The following TAFA2 variants were observed in gnomAD, a reference collection of about 807,000 sequenced individuals.
TAFA2 encodes TAFA chemokine like family member 2.
TAFA2 carries 7 observed loss-of-function variants against 18.8 expected under a neutral mutation model. The ratio of observed to expected loss-of-function variants is 0.37; its 90% CI spans 0.21 to 0.70. The LOEUF (loss-of-function observed/expected upper bound fraction) is 0.70, where lower values mean the gene tolerates loss of function less well. Among genes scored for constraint, TAFA2 ranks in the 30% least tolerant of loss-of-function variants. TAFA2 has a pLI of 0.53. For missense variants in TAFA2, 122 were observed against 158.1 expected (o/e 0.77, Z 1.23); for synonymous variants, 60 against 54.2 (o/e 1.11, Z -0.47).
chr12:62,027,665 A>G (rs930328418), intron 1 of TAFA2, among the ~76,000 whole-genome samples: 1 of 152,128 alleles, frequency 6.6e-6, no homozygotes, highest in Non-Finnish European at 1.5e-5. Context: ...GCACTTTGCC[A>G]TATGTCAGCC....
At chr12:62,225,287 G>T (rs570366915) in intron 1 of TAFA2, among the ~76,000 whole-genome samples, 1 of 152,102 alleles carries the variant, frequency 6.6e-6, no homozygotes, top group African/African-American at 2.4e-5. Context: ...TTTAGCAAAT[G>T]GTGTTGGGAC....
At chr12:61,832,547 G>C (rs1394648418) in intron 2 of TAFA2, among the ~76,000 whole-genome samples, 1 of 152,010 alleles carries the variant, frequency 6.6e-6, no homozygotes. Context: ...CCAAATTCCT[G>C]ATTGAAATAA....
chr12:61,991,057 A>T (rs867376260), intron 1 of TAFA2, among the ~76,000 whole-genome samples: 1 of 152,206 alleles, frequency 6.6e-6, no homozygotes, highest in Middle Eastern at 3.2e-3. Flanking sequence ...ATAAACTGAG[A>T]GAAGCAATAG....
At chr12:62,246,847 G>T (rs955345529) in intron 1 of TAFA2, among the ~76,000 whole-genome samples, 2 of 151,914 alleles carry the variant, frequency 1.3e-5, no homozygotes, top group African/African-American at 4.8e-5. Context: ...CATTTGCCTG[G>T]CATGTTGTTT....
At chr12:62,034,154 G>A (rs1881537340) in intron 1 of TAFA2, among the ~76,000 whole-genome samples, 1 of 152,114 alleles carries the variant, frequency 6.6e-6, no homozygotes, top group Non-Finnish European at 1.5e-5. Context: ...CATGATAAGC[G>A]GTGATTTGAT....
intron 1 of TAFA2, among the ~76,000 whole-genome samples, chr12:62,226,641 T>C (rs755871902): frequency 1.3e-5 from 2 of 152,206 alleles, no homozygotes; most frequent in Non-Finnish European, 2.9e-5. Flanking sequence ...ACCCTGAATA[T>C]CTAAGAGAAA....
chr12:61,732,040 C>T (rs764283767), intron 4 of TAFA2, among the ~76,000 whole-genome samples: 2 of 151,920 alleles, frequency 1.3e-5, no homozygotes, highest in African/African-American at 2.4e-5. Flanking sequence ...TTAGGCCCTG[C>T]CAAGAGAAGA....
At chr12:61,931,074 G>T (rs1007236842) in intron 1 of TAFA2, among the ~76,000 whole-genome samples, 1 of 152,138 alleles carries the variant, frequency 6.6e-6, no homozygotes, top group Admixed American at 6.6e-5. Flanking sequence ...AAGAAATTGC[G>T]CTGTTCAAGT....
intron 1 of TAFA2, among the ~76,000 whole-genome samples, chr12:62,215,687 T>TTTCTCTTGCTTAAGAGAAACAACTTGC (rs1188392465): frequency 1.3e-5 from 2 of 148,490 alleles, no homozygotes; most frequent in African/African-American, 5.0e-5. Flanking sequence ...GAAGAACTTG[T>TTTCTCTTGCTTAAGAGAAACAACTTGC]TTCTCTTGCT....
chr12:62,147,320 A>G (rs201802734), intron 1 of TAFA2, among the ~76,000 whole-genome samples: 1,927 of 37,386 alleles, frequency 0.052, 96 homozygotes, highest in African/African-American at 0.19. Flanking sequence ...GTGTGTGTGT[A>G]TGTATGTATA....
intron 1 of TAFA2, among the ~76,000 whole-genome samples, chr12:61,961,751 G>C (rs771121115): frequency 6.6e-6 from 1 of 151,912 alleles, no homozygotes; most frequent in Non-Finnish European, 1.5e-5. Flanking sequence ...CATGTGATTG[G>C]TTCTTGTGTT....
Position 61,821,960 on chromosome 12 carries a change from A to C in TAFA2, c.106+45360T>G, listed in dbSNP as rs377204212. ...TTAGCCCCACTTTTTAGATAATTAC[A>C]GTTTAAGTATTGAATTAATTAATTT... is the stretch of plus-strand genomic sequence containing the variant. On this transcript the variant is annotated intron_variant, in intron 2 of 4. Coordinates refer to ENST00000416284, the MANE Select transcript of TAFA2 (RefSeq NM_178539.5). Among the ~76,000 whole-genome samples the C allele has an allele frequency of 2.0e-5, 3 of 152,222 alleles. No individual in the cohort carries two copies. In the East Asian group the frequency reaches 5.8e-4, roughly 29 times the overall value.
chr12:62,135,991 C>A (rs143624332), intron 1 of TAFA2: 1 of 152,022 alleles, frequency 6.6e-6, no homozygotes, highest in Non-Finnish European at 1.5e-5. Context: ...TTATGCCAGA[C>A]GCATCATGAT....
At chr12:61,876,252 T>C (rs1379041531) in intron 1 of TAFA2, among the ~76,000 whole-genome samples, 1 of 152,138 alleles carries the variant, frequency 6.6e-6, no homozygotes, top group Non-Finnish European at 1.5e-5. Context: ...CCTGTTCTCT[T>C]GGGAAATGAG....
chr12:61,988,115 C>G (rs1249489250), intron 1 of TAFA2, among the ~76,000 whole-genome samples: 1 of 152,070 alleles, frequency 6.6e-6, no homozygotes, highest in African/African-American at 2.4e-5. Flanking sequence ...TATCATGGCC[C>G]AATCTGAGCT....
At chr12:62,051,105 A>T (rs748571932) in intron 1 of TAFA2, among the ~76,000 whole-genome samples, 33 of 152,132 alleles carry the variant, frequency 2.2e-4, no homozygotes, top group Admixed American at 7.9e-4. Context: ...AGAGGAAAAA[A>T]ATTCTTTTTT....
At chr12:62,071,670 T>C (rs948391010) in intron 1 of TAFA2, among the ~76,000 whole-genome samples, 1 of 152,046 alleles carries the variant, frequency 6.6e-6, no homozygotes, top group South Asian at 2.1e-4. Context: ...CTAAAGAGAG[T>C]TGTAGACCTG....
chr12:61,710,565 A>G, intron 4 of TAFA2, 148 bp from the exon 5 acceptor site: 1 of 623,924 alleles, frequency 1.6e-6, no homozygotes, highest in Non-Finnish European at 2.8e-6. Context: ...TAACAGATGC[A>G]GGTATTTCCA....
chr12:61,863,505 T>G (rs1469580769), intron 2 of TAFA2, among the ~76,000 whole-genome samples: 6 of 152,092 alleles, frequency 3.9e-5, no homozygotes, highest in Non-Finnish European at 8.8e-5. Context: ...CTAGAATGGC[T>G]GGGGGTAGGG....
Sources: gnomAD v4.1 joint callset for allele counts (sites outside exome capture counted in the v4.1 genomes callset) on GRCh38, gnomAD v4.1.1 for gene constraint, MANE v1.5 for transcripts, NCBI Gene and HGNC (gene_info 2026-07-23, HGNC 2026-07-21) for gene names.